Variants in GPR149 observed in about 807,000 individuals in gnomAD.
The protein encoded by GPR149 is probable G protein-coupled receptor 149.
Under a neutral mutation model 50.2 loss-of-function variants are expected in GPR149, and 50 were observed. The observed-to-expected ratio is 1.00, with a 90% CI of 0.79 to 1.26. The LOEUF (loss-of-function observed/expected upper bound fraction) is 1.26, where lower values mean the gene tolerates loss of function less well. Among genes scored for constraint, GPR149 ranks in the 50% most tolerant of loss-of-function variants. GPR149 has a pLI of 0.00. For synonymous variants in GPR149, 405 were observed against 358.2 expected (o/e 1.13, Z -1.48); for missense variants, 983 against 895.4 (o/e 1.10, Z -1.25).
Position 154,383,578 on chromosome 3 carries a change from G to A in GPR149, c.1623+37461C>T, listed in dbSNP as rs116349750. 6.3e-3 allele frequency among the ~76,000 whole-genome samples: 960 copies of A among 152,184 alleles called. 6 individuals are homozygous for A. Among genetic ancestry groups the A allele is most frequent in the African/African-American group, 0.022 (918 of 41,532 alleles). The stretch of plus-strand genomic sequence containing the variant: ...GCAGACTCTTTTCAAGTCATTTATG[G>A]ACACTTCCATGACAAAGTTCTGATT... On this transcript the variant is annotated intron_variant, in intron 3 of 3. Transcript: ENST00000389740.
At chr3:154,376,626 A>G (rs559765166) in intron 3 of GPR149, among the ~76,000 whole-genome samples, 2 of 152,348 alleles carry the variant, frequency 1.3e-5, no homozygotes, top group South Asian at 2.1e-4. Flanking sequence ...GTGTTCACAT[A>G]TTTCATGTTT....
chr3:154,356,534 A>G (rs1714230329), intron 3 of GPR149, among the ~76,000 whole-genome samples: 2 of 152,232 alleles, frequency 1.3e-5, no homozygotes. Context: ...TTGTACACCA[A>G]TAACAGACAA....
chr3:154,374,020 C>A (rs562683477), intron 3 of GPR149, among the ~76,000 whole-genome samples: 1 of 152,032 alleles, frequency 6.6e-6, no homozygotes, highest in African/African-American at 2.4e-5. Context: ...CAAAAACAGC[C>A]ACAGAAAATA....
At chr3:154,348,400 T>TA (rs974059359) in intron 3 of GPR149, among the ~76,000 whole-genome samples, 1 of 151,694 alleles carries the variant, frequency 6.6e-6, no homozygotes, top group Non-Finnish European at 1.5e-5. Context: ...AGGTCGAAAG[T>TA]AAAAAAAGAA....
chr3:154,412,650 A>G (rs543314525), intron 3 of GPR149, among the ~76,000 whole-genome samples: 5 of 152,256 alleles, frequency 3.3e-5, no homozygotes, highest in African/African-American at 7.2e-5. Context: ...AAGAGATCAT[A>G]GATGACACAA....
chr3:154,339,171 C>T (rs747296673), intron 3 of GPR149, among the ~76,000 whole-genome samples: 6 of 152,170 alleles, frequency 3.9e-5, no homozygotes, highest in African/African-American at 4.8e-5. Flanking sequence ...AACCCAGCAT[C>T]GTCAGCAGCT....
chr3:154,430,019 T>C lies in GPR149; in HGVS notation c.-404A>G, dbSNP rs1006978648. Among the ~76,000 whole-genome samples the C allele has an allele frequency of 6.6e-6, 1 of 152,090 alleles. No individual in the cohort carries two copies. The highest frequency in any genetic ancestry group is 2.1e-4 in the South Asian group (1 of 4,818). ...GAGCAAAGCAGCTTGTAGCTTGAGA[T>C]AATCAAACTCTGTTCACTTTTAAGA... On this transcript the variant is annotated 5_prime_UTR_variant, in exon 1 of 4. Coordinates refer to ENST00000389740, the MANE Select transcript of GPR149 (RefSeq NM_001038705.3).
At chr3:154,353,970 T>A in intron 3 of GPR149, 1 of 481,592 alleles carries the variant, frequency 2.1e-6, no homozygotes, top group Non-Finnish European at 3.9e-6. Flanking sequence ...TTATTATCAC[T>A]TGATTTATGA....
chr3:154,386,707 G>A (rs6778871), intron 3 of GPR149, among the ~76,000 whole-genome samples: 16,054 of 152,178 alleles, frequency 0.11, 940 homozygotes, highest in East Asian at 0.23. Context: ...AAGACATGCT[G>A]AAGAAAACAA....
At chr3:154,343,924 A>G (rs1020556165) in intron 3 of GPR149, among the ~76,000 whole-genome samples, 1 of 151,994 alleles carries the variant, frequency 6.6e-6, no homozygotes, top group African/African-American at 2.4e-5. Context: ...GGCTGCAGTG[A>G]GCCATGATCA....
intron 3 of GPR149, among the ~76,000 whole-genome samples, chr3:154,404,645 A>C (rs1244018496): frequency 6.6e-6 from 1 of 152,218 alleles, no homozygotes; most frequent in Non-Finnish European, 1.5e-5. Context: ...GGTAGTGAAC[A>C]TATGGACTGT....
At chr3:154,371,542 T>C (rs936795348) in intron 3 of GPR149, among the ~76,000 whole-genome samples, 9 of 152,108 alleles carry the variant, frequency 5.9e-5, no homozygotes, top group African/African-American at 2.2e-4. Context: ...AATTAAATGA[T>C]GACATGGAAT....
At chr3:154,425,465 A>C (rs1454646166) in intron 2 of GPR149, among the ~76,000 whole-genome samples, 1 of 152,118 alleles carries the variant, frequency 6.6e-6, no homozygotes. Flanking sequence ...TTGTTGTGTT[A>C]CACTATCAAT....
At chr3:154,392,416 A>T (rs1576919245) in intron 3 of GPR149, among the ~76,000 whole-genome samples, 1 of 151,772 alleles carries the variant, frequency 6.6e-6, no homozygotes, top group East Asian at 1.9e-4. Flanking sequence ...ACATACCTGA[A>T]CTTAGGGGAT....
chr3:154,338,806 G>A (rs565781437), intron 3 of GPR149, among the ~76,000 whole-genome samples: 7 of 152,108 alleles, frequency 4.6e-5, no homozygotes, highest in Admixed American at 2.6e-4. Context: ...AACAGGAACC[G>A]AATGTCACCA....
rs534859121 is a variant in GPR149, at chr3:154,357,757, A to T, written c.1624-19486T>A. ...CAATGGCTCAGGCATCTAGAACTAG[A>T]AATACCATTTGACCCAGCCATCCCA... is the stretch of plus-strand genomic sequence containing the variant. On this transcript the variant is annotated intron_variant, in intron 3 of 3. Transcript: ENST00000389740. Among the ~76,000 whole-genome samples the T allele has an allele frequency of 1.2e-4, 19 of 152,344 alleles. No homozygotes were observed. The East Asian group carries it at 3.7e-3, about 29-fold the overall frequency.
At chr3:154,356,875 T>A (rs1201538768) in intron 3 of GPR149, among the ~76,000 whole-genome samples, 1 of 152,064 alleles carries the variant, frequency 6.6e-6, no homozygotes, top group Non-Finnish European at 1.5e-5. Context: ...CATCGCCAAG[T>A]CAATCCTAAG....
intron 3 of GPR149, among the ~76,000 whole-genome samples, chr3:154,390,981 T>C (rs1386027939): frequency 6.6e-6 from 1 of 151,924 alleles, no homozygotes; most frequent in East Asian, 1.9e-4. Context: ...ATCTCAAAAA[T>C]AAAGGAGAGA....
At chr3:154,381,604 T>C (rs1299785628) in intron 3 of GPR149, among the ~76,000 whole-genome samples, 1 of 152,152 alleles carries the variant, frequency 6.6e-6, no homozygotes, top group Non-Finnish European at 1.5e-5. Flanking sequence ...ATACCAGAAA[T>C]CTCTAATTGG....
Sources: allele counts gnomAD v4.1 joint callset (sites outside exome capture counted in the v4.1 genomes callset), GRCh38; gene constraint gnomAD v4.1.1; transcripts MANE v1.5; gene names NCBI Gene and HGNC (gene_info 2026-07-23, HGNC 2026-07-21).